Variants in MYO10 observed in about 807,000 individuals in gnomAD.
The protein encoded by MYO10 is myosin X, also known as unconventional myosin-X.
Under a neutral mutation model 257.3 loss-of-function variants are expected in MYO10, and 133 were observed. The ratio of observed to expected loss-of-function variants is 0.52; its 90% CI spans 0.45 to 0.60. The LOEUF (loss-of-function observed/expected upper bound fraction) is 0.60, where lower values mean the gene tolerates loss of function less well. MYO10 is among the 20% of genes least tolerant of loss of function. MYO10 has a pLI of 0.00. For synonymous variants in MYO10, 1,104 were observed against 1,028.6 expected, an observed-to-expected ratio of 1.07 and a Z score of -1.40; for missense variants, 2,399 against 2,635.7, an observed-to-expected ratio of 0.91 and a Z score of 1.97.
chr5:16,748,488 G>GCACCCCCCCCCCCCCCCCCCC (rs1553991920), intron 19 of MYO10, among the ~76,000 whole-genome samples: 1 of 149,832 alleles, frequency 6.7e-6, no homozygotes, highest in African/African-American at 2.5e-5. Flanking sequence ...CAAGTGATCC[G>GCACCCCCCCCCCCCCCCCCCC]CGCCCCCCCG....
At chr5:16,738,021 C>G (rs930375469) in intron 19 of MYO10, 1 of 799,524 alleles carries the variant, frequency 1.3e-6, no homozygotes, top group Admixed American at 6.2e-5. Flanking sequence ...TAGCACGGAA[C>G]TAGAAAATCT....
intron 2 of MYO10, among the ~76,000 whole-genome samples, chr5:16,823,260 C>T (rs910155946): frequency 8.0e-5 from 12 of 149,644 alleles, no homozygotes; most frequent in South Asian, 6.5e-4. Flanking sequence ...GCCTGGCCAA[C>T]GTGGTGAAAT....
chr5:16,723,797 A>G (rs750604790), intron 19 of MYO10, among the ~76,000 whole-genome samples: 2 of 152,240 alleles, frequency 1.3e-5, no homozygotes, highest in Non-Finnish European at 2.9e-5. Context: ...CAAGCCACAA[A>G]AAGATGCGGA....
intron 19 of MYO10, among the ~76,000 whole-genome samples, chr5:16,745,997 G>C (rs1162248358): frequency 6.6e-6 from 1 of 152,064 alleles, no homozygotes; most frequent in Non-Finnish European, 1.5e-5. Flanking sequence ...GAGTCCATAG[G>C]GTAAAGTGAA....
chr5:16,731,329 C>A (rs1055343221), intron 19 of MYO10, among the ~76,000 whole-genome samples: 3 of 151,454 alleles, frequency 2.0e-5, no homozygotes, highest in African/African-American at 7.3e-5. Context: ...AGGCATGAGC[C>A]ACCACGCCCA....
In MYO10 at chr5:16,915,980, CA is replaced by C. The variant is rs565004057; in HGVS notation, c.21+19807del. Reference sequence around the variant, plus strand: ...TCAAAAAGAAAAAAAAAAAAAAAATCACTCACCATACATTTCTTATCCTGAA... The same window carrying C: ...TCAAAAAGAAAAAAAAAAAAAAAATCCTCACCATACATTTCTTATCCTGAA... On this transcript the variant is annotated intron_variant, in intron 1 of 40. Coordinates refer to ENST00000513610, the MANE Select transcript of MYO10 (RefSeq NM_012334.3). The C allele has an allele frequency of 4.1e-3, 1,787 of 432,382 alleles. 44 individuals carry two copies. Among genetic ancestry groups the C allele is most frequent in the South Asian group, 0.029 (1,717 of 60,042 alleles). 26.8% of individuals were successfully genotyped at this position (432,382 alleles called of 1,614,324 possible).
chr5:16,810,588 G>A (rs1185842521), intron 3 of MYO10, among the ~76,000 whole-genome samples: 1 of 152,144 alleles, frequency 6.6e-6, no homozygotes, highest in Non-Finnish European at 1.5e-5. Context: ...GAGGTCAAGA[G>A]TTCAAGATCA....
intron 1 of MYO10, among the ~76,000 whole-genome samples, chr5:16,894,251 G>A (rs1246998325): frequency 6.7e-6 from 1 of 149,376 alleles, no homozygotes; most frequent in Non-Finnish European, 1.5e-5. Context: ...GGATGTAATC[G>A]TCATGCTCCT....
intron 2 of MYO10, among the ~76,000 whole-genome samples, chr5:16,826,135 A>G (rs1160784308): frequency 6.6e-6 from 1 of 152,068 alleles, no homozygotes; most frequent in Non-Finnish European, 1.5e-5. Flanking sequence ...GTGATATAGA[A>G]TGAGACTCAG....
Position 16,845,392 on chromosome 5 carries a change from G to A in MYO10, c.121-27225C>T, listed in dbSNP as rs116397721. 2.8e-3 allele frequency among the ~76,000 whole-genome samples: 426 copies of A among 152,282 alleles called. 2 individuals are homozygous for A. Among genetic ancestry groups the A allele is most frequent in the African/African-American group, 9.7e-3 (403 of 41,550 alleles). ...TAAAAAAATGTCTTTTAGGCTGGGT[G>A]CAGTGGGCTCTCACCTGTAATCCCA... On this transcript the variant is annotated intron_variant, in intron 2 of 40. Coordinates refer to ENST00000513610, the MANE Select transcript of MYO10 (RefSeq NM_012334.3).
chr5:16,831,312 G>A (rs1198612398), intron 2 of MYO10, among the ~76,000 whole-genome samples: 2 of 152,142 alleles, frequency 1.3e-5, no homozygotes, highest in Non-Finnish European at 2.9e-5. Flanking sequence ...ACGGTGTGGA[G>A]ATTCCTTAAA....
chr5:16,904,792 G>A (rs1185892134), intron 1 of MYO10, among the ~76,000 whole-genome samples: 1 of 152,114 alleles, frequency 6.6e-6, no homozygotes, highest in African/African-American at 2.4e-5. Flanking sequence ...AGCCGGGCGT[G>A]GTAGCGGGCA....
Position 16,702,611 on chromosome 5 carries a change from G to A in MYO10, c.2511-23C>T, listed in dbSNP as rs764446395. On this transcript the variant is annotated intron_variant, in intron 23 of 40. Transcript: ENST00000513610. ...TCTCTAAAAATAGTAAAGGAAAAGT[G>A]AAAATCAACAACAATAACCCTGGAA... 7 of 1,563,662 alleles carry A rather than the reference G, an allele frequency of 4.5e-6. No homozygotes were observed. In the East Asian group the frequency reaches 1.4e-4, roughly 32 times the overall value.
chr5:16,823,727 C>G (rs1742911825), intron 2 of MYO10, among the ~76,000 whole-genome samples: 1 of 149,962 alleles, frequency 6.7e-6, no homozygotes, highest in Admixed American at 6.7e-5. Context: ...CCGCCTTGGC[C>G]TCCCAAAATG....
intron 19 of MYO10, among the ~76,000 whole-genome samples, chr5:16,747,779 C>T (rs928530034): frequency 2.0e-5 from 3 of 151,410 alleles, no homozygotes; most frequent in African/African-American, 4.8e-5. Context: ...ATTAGCCGTG[C>T]GGGGTGGCAG....
intron 19 of MYO10, among the ~76,000 whole-genome samples, chr5:16,741,343 G>C (rs1218035561): frequency 6.6e-6 from 1 of 152,100 alleles, no homozygotes; most frequent in Non-Finnish European, 1.5e-5. Flanking sequence ...CGTATGAACA[G>C]GTTTATAATG....
Position 16,702,574 on chromosome 5 carries a change from T to G in MYO10, c.2525A>C (p.Glu842Ala). 1.9e-6 allele frequency: 3 copies of G among 1,578,406 alleles called. No homozygotes were observed. The South Asian group carries it at 3.5e-5, about 18-fold the overall frequency. ...REEEERERER[E>A]RREAELRAQQ... ...GGCGCGGAGCTCGGCTTCTCTTCGC[T>G]CTCTCTCTCTTTCTCTAAAAATAGT... is the stretch of plus-strand genomic sequence containing the variant. The change falls in exon 24 of 41, where the codon GAG (glutamate) becomes GCG (alanine). Residue 842 changes from glutamate (E) to alanine (A), a missense_variant. This residue lies in a region of MYO10 where 1,820 missense variants were observed against 1,939.4 expected (regional missense o/e 0.94). Coordinates refer to ENST00000513610, the MANE Select transcript of MYO10 (RefSeq NM_012334.3).
In MYO10 at chr5:16,700,948, C is replaced by T. The variant is rs1299418428; in HGVS notation, c.3432+15G>A. ...GGCCACCCATTTCACTGGGACACGC[C>T]AGGCAGGTACTTACCGAGGACTGCG... On this transcript the variant is annotated intron_variant, in intron 25 of 40. Transcript: ENST00000513610. 1 of 1,533,478 alleles carries T rather than the reference C, an allele frequency of 6.5e-7. No homozygotes were observed. Among genetic ancestry groups the T allele is most frequent in the East Asian group, 2.5e-5 (1 of 40,720 alleles). 95.0% of individuals were successfully genotyped at this position (1,533,478 alleles called of 1,614,324 possible). A position where few individuals can be genotyped will look rare whatever the true frequency, so the allele number is the denominator to read the frequency against.
In MYO10 at chr5:16,776,206, A is replaced by G. The variant is rs73053065; in HGVS notation, c.930+3339T>C. Among the ~76,000 whole-genome samples, 395 of 152,200 alleles carry G rather than the reference A, an allele frequency of 2.6e-3. 1 individual carries two copies. The highest frequency in any genetic ancestry group is 9.2e-3 in the African/African-American group (384 of 41,536). On this transcript the variant is annotated intron_variant, in intron 9 of 40. Coordinates refer to ENST00000513610, the MANE Select transcript of MYO10 (RefSeq NM_012334.3). ...GCCACTGTACCCCGCCTATCCCCCAATTCTTGATTCTCATAGGTTTGGGAG... is the reference window on the plus strand; with the variant it reads ...GCCACTGTACCCCGCCTATCCCCCAGTTCTTGATTCTCATAGGTTTGGGAG...
Sources: allele counts gnomAD v4.1 joint callset (sites outside exome capture counted in the v4.1 genomes callset), GRCh38; gene constraint gnomAD v4.1.1; regional missense constraint gnomAD v4.1.1; transcripts MANE v1.5; gene names NCBI Gene and HGNC (gene_info 2026-07-23, HGNC 2026-07-21).